The following ARHGAP20 variants were observed in gnomAD, a reference collection of about 807,000 sequenced individuals.
The protein encoded by ARHGAP20 is Rho GTPase activating protein 20, also known as rho GTPase-activating protein 20.
In ARHGAP20, 34 loss-of-function variants were observed where a neutral mutation model predicts 73.7. The ratio of observed to expected loss-of-function variants is 0.46; its 90% CI spans 0.35 to 0.61. The LOEUF (loss-of-function observed/expected upper bound fraction) is 0.61, where lower values mean the gene tolerates loss of function less well. Among genes scored for constraint, ARHGAP20 ranks in the 20% least tolerant of loss-of-function variants. The probability of loss-of-function intolerance (pLI) is 0.00; values close to 1 mark genes in which losing one functional copy is unlikely to be tolerated. For synonymous variants in ARHGAP20, 523 were observed against 518.2 expected (o/e 1.01, Z -0.13); for missense variants, 1,314 against 1,420.9 (o/e 0.92, Z 1.21).
intron 1 of ARHGAP20, among the ~76,000 whole-genome samples, chr11:110,692,036 G>A (rs991373851): frequency 3.3e-5 from 5 of 151,978 alleles, no homozygotes; most frequent in Non-Finnish European, 5.9e-5. Context: ...AGTTATCATC[G>A]GATTCCCAGA....
chr11:110,590,991 C>A (rs1947813555), intron 10 of ARHGAP20, among the ~76,000 whole-genome samples, 182 bp from the exon 11 acceptor site: 1 of 151,884 alleles, frequency 6.6e-6, no homozygotes, highest in Admixed American at 6.6e-5. Context: ...GGGTGGTTAC[C>A]AGGGGCTGGG....
chr11:110,599,212 A>C (rs578185246), intron 9 of ARHGAP20, among the ~76,000 whole-genome samples: 1 of 152,260 alleles, frequency 6.6e-6, no homozygotes, highest in East Asian at 1.9e-4. Context: ...GGGGGTCCTT[A>C]AGGCCACCCC....
intron 2 of ARHGAP20, among the ~76,000 whole-genome samples, chr11:110,660,069 A>AAACAAAAC (rs1555097626): frequency 6.8e-6 from 1 of 146,934 alleles, no homozygotes; most frequent in African/African-American, 2.6e-5. Context: ...AACAAAAAAA[A>AAACAAAAC]AAAAAAAAAG....
At chr11:110,614,440 C>T (rs1948438698) in intron 6 of ARHGAP20, 121 bp downstream of exon 6, 15 of 789,634 alleles carry the variant, frequency 1.9e-5, no homozygotes, top group South Asian at 3.6e-5. Flanking sequence ...TTCTAAATGC[C>T]TACCTTCCAT....
Position 110,579,568 on chromosome 11 carries a change from G to A in ARHGAP20, c.3378C>T (p.Phe1126=). The change falls in exon 15 of 15, where the codon TTC becomes TTT. Residue 1126 remains phenylalanine (F), a synonymous_variant. Coordinates refer to ENST00000683387, the MANE Select transcript of ARHGAP20 (RefSeq NM_001384657.1). ...GCTTAAGTCTGCTCTCCACCAGGCT[G>A]AATGGAGAGCTACAGTGTCTCTCTG... ...QDSERHCSSP[F]SLVESRLKLC... 1 of 1,613,830 alleles carries A rather than the reference G, an allele frequency of 6.2e-7. No homozygotes were observed. Among genetic ancestry groups the A allele is most frequent in the Non-Finnish European group, 8.5e-7 (1 of 1,179,726 alleles).
chr11:110,662,149 A>G (rs868298096), intron 2 of ARHGAP20, among the ~76,000 whole-genome samples: 40 of 151,902 alleles, frequency 2.6e-4, no homozygotes, highest in African/African-American at 8.9e-4. Context: ...ATATATATAT[A>G]TAAAATTCAT....
At chr11:110,657,182 A>AT (rs563831903) in intron 2 of ARHGAP20, among the ~76,000 whole-genome samples, 1 of 152,130 alleles carries the variant, frequency 6.6e-6, no homozygotes, top group African/African-American at 2.4e-5. Context: ...GCCATTTAAT[A>AT]TTTTTTTCTC....
chr11:110,603,444 A>T (rs1223886288), intron 9 of ARHGAP20, among the ~76,000 whole-genome samples: 3 of 152,188 alleles, frequency 2.0e-5, no homozygotes, highest in Non-Finnish European at 4.4e-5. Context: ...CAAAGTTTAT[A>T]CTGTAGTAAT....
chr11:110,621,413 C>T (rs1217573207), intron 4 of ARHGAP20, among the ~76,000 whole-genome samples: 1 of 151,734 alleles, frequency 6.6e-6, no homozygotes, highest in African/African-American at 2.4e-5. Context: ...GATATATTCC[C>T]ACAAGTCCGT....
chr11:110,586,723 G>A (rs1214772940), intron 11 of ARHGAP20, among the ~76,000 whole-genome samples: 1 of 152,160 alleles, frequency 6.6e-6, no homozygotes, highest in East Asian at 1.9e-4. Flanking sequence ...TTGTCTGGTA[G>A]TCATTCATTG....
In ARHGAP20 at chr11:110,577,278, TAATAA is replaced by T; in HGVS notation, c.*2087_*2091del. ...TAATATATTATAGATTGATGGAGTA[TAATAA>T]AATGACATATAGTCTGTCTTCAAAT... On this transcript the variant is annotated 3_prime_UTR_variant, in exon 15 of 15. Transcript: ENST00000683387. The T allele has an allele frequency of 7.2e-7, 1 of 1,393,300 alleles. No homozygotes were observed. Among genetic ancestry groups the T allele is most frequent in the Non-Finnish European group, 9.3e-7 (1 of 1,071,436 alleles). 86.3% of individuals were successfully genotyped at this position (1,393,300 alleles called of 1,614,324 possible). A position where few individuals can be genotyped will look rare whatever the true frequency, so the allele number is the denominator to read the frequency against.
At chr11:110,700,099 G>A (rs989781930) in intron 1 of ARHGAP20, among the ~76,000 whole-genome samples, 3 of 152,070 alleles carry the variant, frequency 2.0e-5, no homozygotes, top group Admixed American at 6.6e-5. Flanking sequence ...AAATCACTCT[G>A]AATCTGCTCA....
intron 1 of ARHGAP20, among the ~76,000 whole-genome samples, chr11:110,700,724 T>G (rs1358513552): frequency 2.1e-5 from 3 of 146,266 alleles, no homozygotes; most frequent in Non-Finnish European, 4.5e-5. Context: ...TATCTTCCAG[T>G]GCTATCCCTC....
chr11:110,636,554 C>A (rs1014021322), intron 2 of ARHGAP20, among the ~76,000 whole-genome samples: 1 of 152,036 alleles, frequency 6.6e-6, no homozygotes, highest in Non-Finnish European at 1.5e-5. Context: ...GGAGAATTCA[C>A]AATAAAATTA....
intron 7 of ARHGAP20, among the ~76,000 whole-genome samples, chr11:110,610,385 GAC>G (rs1328333731): frequency 6.6e-6 from 1 of 152,044 alleles, no homozygotes; most frequent in East Asian, 1.9e-4. Flanking sequence ...GATGTAACGT[GAC>G]ACATATTTAA....
chr11:110,638,228 G>A (rs1417208316), intron 2 of ARHGAP20, among the ~76,000 whole-genome samples: 1 of 151,650 alleles, frequency 6.6e-6, no homozygotes, highest in East Asian at 1.9e-4. Context: ...TTGCATTCAG[G>A]CTATGTATAT....
chr11:110,593,723 C>A (rs894068819), intron 9 of ARHGAP20, among the ~76,000 whole-genome samples: 1 of 152,184 alleles, frequency 6.6e-6, no homozygotes, highest in African/African-American at 2.4e-5. Context: ...ATAGTGGGAG[C>A]CCTAAATACT....
In ARHGAP20 at chr11:110,606,890, C is replaced by T. The variant is rs1162527343; in HGVS notation, c.776-141G>A. ...CTTTGTTTGACAGAATGATCATTTACACTCTTACAGTTGGAGACCAGTATG... is the reference window on the plus strand; with the variant it reads ...CTTTGTTTGACAGAATGATCATTTATACTCTTACAGTTGGAGACCAGTATG... On this transcript the variant is annotated intron_variant, in intron 8 of 14. Transcript: ENST00000683387. 8 of 726,920 alleles carry T rather than the reference C, an allele frequency of 1.1e-5. No homozygotes were observed. In the East Asian group the frequency reaches 1.9e-4, roughly 17 times the overall value. 45.0% of individuals were successfully genotyped at this position (726,920 alleles called of 1,614,324 possible). A position where few individuals can be genotyped will look rare whatever the true frequency, so the allele number is the denominator to read the frequency against.
chr11:110,591,887 A>AT (rs1947836827), intron 10 of ARHGAP20, 90 bp downstream of exon 10: 1 of 1,370,700 alleles, frequency 7.3e-7, no homozygotes, highest in African/African-American at 1.4e-5. Context: ...GGTGTCTATA[A>AT]TTTTTCCATT....
Sources: allele counts gnomAD v4.1 joint callset (sites outside exome capture counted in the v4.1 genomes callset), GRCh38; gene constraint gnomAD v4.1.1; transcripts MANE v1.5; gene names NCBI Gene and HGNC (gene_info 2026-07-23, HGNC 2026-07-21).